The following RAP1B variants were observed in gnomAD, a reference collection of about 807,000 sequenced individuals.
RAP1B encodes the protein RAP1B, member of RAS oncogene family, also known as ras-related protein Rap-1b.
RAP1B carries 1 observed loss-of-function variant against 27.5 expected under a neutral mutation model. That is an observed-to-expected ratio of 0.04 (90% CI 0.01 to 0.17). RAP1B has a LOEUF of 0.17. Among genes scored for constraint, RAP1B ranks in the 10% least tolerant of loss-of-function variants. The pLI, the probability that RAP1B is intolerant of heterozygous loss-of-function variation, is 1.00. For synonymous variants in RAP1B, 75 were observed against 73.1 expected (o/e 1.03, Z -0.13); for missense variants, 84 against 214.8 (o/e 0.39, Z 3.81).
intron 1 of RAP1B, among the ~76,000 whole-genome samples, chr12:68,647,026 AT>A (rs1873457402): frequency 6.6e-6 from 1 of 152,070 alleles, no homozygotes; most frequent in Non-Finnish European, 1.5e-5. Context: ...ACTTTTGAAA[AT>A]TTCCTTAAAT....
chr12:68,622,737 A>G (rs1328650477), intron 1 of RAP1B, among the ~76,000 whole-genome samples: 1 of 152,322 alleles, frequency 6.6e-6, no homozygotes, highest in Middle Eastern at 3.4e-3. Context: ...CTTTTCCACC[A>G]CTATCTCAAA....
At chr12:68,632,216 C>T (rs1394377573) in intron 1 of RAP1B, among the ~76,000 whole-genome samples, 2 of 148,964 alleles carry the variant, frequency 1.3e-5, no homozygotes, top group African/African-American at 5.0e-5. Context: ...CAGCTCACTG[C>T]AACCTCCGCC....
At chr12:68,643,076 T>A in intron 1 of RAP1B, 1 of 657,840 alleles carries the variant, frequency 1.5e-6, no homozygotes, top group Non-Finnish European at 2.7e-6. Context: ...TCTTAAAATT[T>A]CTTTCAGAGT....
chr12:68,658,377 T>C (rs1358986368), intron 7 of RAP1B, among the ~76,000 whole-genome samples: 1 of 152,236 alleles, frequency 6.6e-6, no homozygotes, highest in Non-Finnish European at 1.5e-5. Flanking sequence ...TTTGCAACAG[T>C]CTGCCAGGAT....
intron 1 of RAP1B, among the ~76,000 whole-genome samples, chr12:68,646,977 G>T (rs1011704673): frequency 3.3e-5 from 5 of 152,114 alleles, no homozygotes; most frequent in African/African-American, 1.2e-4. Context: ...AAAAAGAAAG[G>T]CCATCTCTTT....
In RAP1B at chr12:68,667,645, A is replaced by G. The variant is rs748708229; in HGVS notation, c.*8396A>G. ...AATTGTAACCATTTGTGTGCTTTAC[A>G]TGTTTAAGATACAAACTTACAGTTC... On this transcript the variant is annotated 3_prime_UTR_variant, in exon 8 of 8. Coordinates refer to ENST00000250559, the MANE Select transcript of RAP1B (RefSeq NM_001010942.3). The G allele has an allele frequency of 2.6e-5, 4 of 152,232 alleles. No homozygotes were observed. Among genetic ancestry groups the G allele is most frequent in the Non-Finnish European group, 5.9e-5 (4 of 68,040 alleles). 9.4% of individuals were successfully genotyped at this position (152,232 alleles called of 1,614,324 possible). A position where few individuals can be genotyped will look rare whatever the true frequency, so the allele number is the denominator to read the frequency against.
rs938099166 is a variant in RAP1B at position 68,666,901 on chromosome 12, G to A, written c.*7652G>A. On this transcript the variant is annotated 3_prime_UTR_variant, in exon 8 of 8. Transcript: ENST00000250559. ...TTAAGCTACTCTACAAGGATTCTGA[G>A]GGAAGTCTGGGATTAGGTGAGACTT... The A allele has an allele frequency of 1.1e-4, 17 of 152,186 alleles. No individual in the cohort carries two copies. Among genetic ancestry groups the A allele is most frequent in the Non-Finnish European group, 4.4e-5 (3 of 68,024 alleles). The allele number at this position is 152,186 out of a possible 1,614,324, so 9.4% of individuals were successfully genotyped here. A position where few individuals can be genotyped will look rare whatever the true frequency, so the allele number is the denominator to read the frequency against.
intron 1 of RAP1B, among the ~76,000 whole-genome samples, chr12:68,626,271 C>T (rs1871772519): frequency 6.6e-6 from 1 of 152,172 alleles, no homozygotes; most frequent in South Asian, 2.1e-4. Context: ...TCTACTAACA[C>T]TAAAGTTCCT....
chr12:68,614,781 A>T (rs1416143418), intron 1 of RAP1B, among the ~76,000 whole-genome samples: 1 of 152,348 alleles, frequency 6.6e-6, no homozygotes, highest in East Asian at 1.9e-4. Context: ...GTACTGTACC[A>T]TGGCTCTGGA....
At chr12:68,653,046 T>C (rs1474439138) in intron 4 of RAP1B, among the ~76,000 whole-genome samples, 2 of 151,300 alleles carry the variant, frequency 1.3e-5, no homozygotes, top group African/African-American at 4.9e-5. Flanking sequence ...CCCGTCTCTA[T>C]TAAAATACAA....
chr12:68,622,313 A>G (rs779966959), intron 1 of RAP1B, among the ~76,000 whole-genome samples: 3 of 152,134 alleles, frequency 2.0e-5, no homozygotes, highest in Admixed American at 1.3e-4. Context: ...CCTTCCCCAC[A>G]TTATTTTCTA....
intron 1 of RAP1B, among the ~76,000 whole-genome samples, chr12:68,630,668 T>C (rs1872168739): frequency 6.6e-6 from 1 of 151,988 alleles, no homozygotes; most frequent in Non-Finnish European, 1.5e-5. Flanking sequence ...TTTGGGGTCT[T>C]TTTTGTTTTT....
intron 6 of RAP1B, 85 bp downstream of exon 6, chr12:68,656,534 A>T: frequency 7.4e-7 from 1 of 1,354,360 alleles, no homozygotes; most frequent in Non-Finnish European, 1.1e-6. Flanking sequence ...CCAAGTTAAT[A>T]TGTACTCAGG....
chr12:68,653,996 CAA>C (rs1183595975), intron 4 of RAP1B, 114 bp from the exon 5 acceptor site: 7 of 866,604 alleles, frequency 8.1e-6, no homozygotes, highest in Middle Eastern at 2.8e-4. Context: ...ATAATTTTAA[CAA>C]AGTTACATAA....
intron 1 of RAP1B, chr12:68,642,819 C>T (rs1873116485): frequency 2.0e-6 from 2 of 1,013,406 alleles, no homozygotes; most frequent in Non-Finnish European, 3.2e-6. Context: ...GCCACGTTGG[C>T]CTTGTAGTAA....
intron 1 of RAP1B, among the ~76,000 whole-genome samples, chr12:68,622,286 C>T (rs1462182356): frequency 6.6e-6 from 1 of 152,208 alleles, no homozygotes; most frequent in African/African-American, 2.4e-5. Context: ...AGCTTCCTAA[C>T]TTGTTTTCAT....
rs1274477371 is a variant in RAP1B at position 68,640,130 on chromosome 12, T to C, written c.-26-8569T>C. Among the ~76,000 whole-genome samples, 3 of 152,096 alleles carry C rather than the reference T, an allele frequency of 2.0e-5. No homozygotes were observed. In the East Asian group the frequency reaches 5.8e-4, roughly 29 times the overall value. On this transcript the variant is annotated intron_variant, in intron 1 of 7. Transcript: ENST00000250559. Reference sequence around the variant, plus strand: ...CTGGGATTACAGGCATGAGCCACCATGCCCGGCCCAAAGATGATTTTTTAA... The same window carrying C: ...CTGGGATTACAGGCATGAGCCACCACGCCCGGCCCAAAGATGATTTTTTAA...
intron 1 of RAP1B, among the ~76,000 whole-genome samples, chr12:68,615,092 C>T (rs566653589): frequency 6.6e-6 from 1 of 152,228 alleles, no homozygotes; most frequent in South Asian, 2.1e-4. Flanking sequence ...TTTTAAAATT[C>T]ACCAGCAACA....
intron 1 of RAP1B, among the ~76,000 whole-genome samples, chr12:68,625,252 G>A (rs968321638): frequency 6.6e-6 from 1 of 152,194 alleles, no homozygotes; most frequent in African/African-American, 2.4e-5. Flanking sequence ...TCATTTTTCT[G>A]AGTGGTCTTT....
Sources: allele counts gnomAD v4.1 joint callset (sites outside exome capture counted in the v4.1 genomes callset), GRCh38; gene constraint gnomAD v4.1.1; transcripts MANE v1.5; gene names NCBI Gene and HGNC (gene_info 2026-07-23, HGNC 2026-07-21).